Variants in FRK observed in about 807,000 individuals in gnomAD.
FRK encodes fyn related Src family tyrosine kinase, also known as tyrosine-protein kinase FRK.
Under a neutral mutation model 56.4 loss-of-function variants are expected in FRK, and 51 were observed. That is an observed-to-expected ratio of 0.90 (90% CI 0.72 to 1.14). The LOEUF is 1.14. FRK is among the 50% of genes most tolerant of loss of function. The probability of loss-of-function intolerance (pLI) is 0.00; values close to 1 mark genes in which losing one functional copy is unlikely to be tolerated. For missense variants in FRK, 570 were observed against 601.4 expected (o/e 0.95, Z 0.55); for synonymous variants, 245 against 217.9 (o/e 1.12, Z -1.10).
intron 1 of FRK, among the ~76,000 whole-genome samples, chr6:116,022,775 CAGTTAGAT>C (rs1432668747): frequency 3.3e-5 from 5 of 152,012 alleles, no homozygotes; most frequent in Non-Finnish European, 7.4e-5. Flanking sequence ...ACAAAGTCTG[CAGTTAGAT>C]TCAGGCAACT....
At chr6:116,009,814 T>A (rs1427059849) in intron 1 of FRK, among the ~76,000 whole-genome samples, 1 of 152,208 alleles carries the variant, frequency 6.6e-6, no homozygotes, top group Admixed American at 6.5e-5. Context: ...ACAGAAAGAT[T>A]GTGTTATTTT....
chr6:116,038,835 C>A, intron 1 of FRK: 1 of 523,902 alleles, frequency 1.9e-6, no homozygotes, highest in Admixed American at 2.3e-5. Context: ...CTCATCCGCA[C>A]TCTGAAGGCG....
At chr6:116,035,769 G>A (rs1377884861) in intron 1 of FRK, among the ~76,000 whole-genome samples, 1 of 151,588 alleles carries the variant, frequency 6.6e-6, no homozygotes, top group African/African-American at 2.4e-5. Flanking sequence ...TTTCAACATT[G>A]CTGGCTAACA....
chr6:116,080,462 C>T, the FRK span, among the ~76,000 whole-genome samples: 18 of 152,246 alleles, frequency 1.2e-4, no homozygotes, highest in Non-Finnish European at 2.6e-4. Context: ...CCAAAAAAGC[C>T]TTTTTAAGTA....
At chr6:115,945,155 A>G (rs960440086) in intron 5 of FRK, among the ~76,000 whole-genome samples, 1 of 152,130 alleles carries the variant, frequency 6.6e-6, no homozygotes, top group Non-Finnish European at 1.5e-5. Flanking sequence ...GCTATTGTGA[A>G]TGGTGCTGCA....
intron 4 of FRK, among the ~76,000 whole-genome samples, chr6:115,958,813 A>C (rs1261144882): frequency 1.3e-5 from 1 of 74,250 alleles, no homozygotes; most frequent in Non-Finnish European, 2.7e-5. Flanking sequence ...AAAGAAAGAA[A>C]GAAAGAAAAA....
At chr6:115,967,453 G>T in intron 4 of FRK, 98 bp downstream of exon 4, 2 of 1,162,314 alleles carry the variant, frequency 1.7e-6, no homozygotes, top group Non-Finnish European at 1.2e-6. Flanking sequence ...CCTGCTTGCT[G>T]CCAGTATTAG....
chr6:116,094,501 G>A, the FRK span, among the ~76,000 whole-genome samples: 5 of 152,252 alleles, frequency 3.3e-5, no homozygotes, highest in Non-Finnish European at 5.9e-5. Context: ...CTTTGCTACA[G>A]ATAGTAAGTA....
chr6:116,026,330 C>T (rs935065130), intron 1 of FRK, among the ~76,000 whole-genome samples: 2 of 152,250 alleles, frequency 1.3e-5, no homozygotes, highest in Admixed American at 6.6e-5. Flanking sequence ...AGAATCAAGA[C>T]TTCTGATTTC....
At chr6:115,983,451 T>C (rs1404765755) in intron 2 of FRK, among the ~76,000 whole-genome samples, 3 of 152,222 alleles carry the variant, frequency 2.0e-5, no homozygotes, top group Non-Finnish European at 4.4e-5. Context: ...ATTCTATGAC[T>C]GACACCTCTT....
At chr6:116,024,187 G>A (rs897360801) in intron 1 of FRK, among the ~76,000 whole-genome samples, 2 of 151,718 alleles carry the variant, frequency 1.3e-5, no homozygotes, top group African/African-American at 4.8e-5. Flanking sequence ...GTTACTTGGG[G>A]AGAATATCTG....
At chr6:116,079,403 T>TG in the FRK span, among the ~76,000 whole-genome samples, 29 of 145,248 alleles carry the variant, frequency 2.0e-4, no homozygotes, top group African/African-American at 7.4e-4. Flanking sequence ...TTGGGTTTTT[T>TG]GTTTTTTTTT....
intron 2 of FRK, among the ~76,000 whole-genome samples, chr6:115,989,480 A>AT (rs1434693514): frequency 6.6e-6 from 1 of 151,674 alleles, no homozygotes; most frequent in East Asian, 1.9e-4. Flanking sequence ...AGTGTCTATT[A>AT]TTTCCATTTT....
the FRK span, among the ~76,000 whole-genome samples, chr6:116,089,214 T>C: frequency 6.6e-6 from 1 of 152,176 alleles, no homozygotes; most frequent in Non-Finnish European, 1.5e-5. Context: ...TTCCATTATA[T>C]CTTTGTTTAT....
the FRK span, among the ~76,000 whole-genome samples, chr6:116,093,396 G>A: frequency 1.3e-5 from 2 of 152,200 alleles, no homozygotes; most frequent in Non-Finnish European, 2.9e-5. Flanking sequence ...AGATGATCCT[G>A]ATAGGTACAT....
At chr6:116,000,952 A>G (rs1176382356) in intron 2 of FRK, among the ~76,000 whole-genome samples, 1 of 152,220 alleles carries the variant, frequency 6.6e-6, no homozygotes, top group Non-Finnish European at 1.5e-5. Flanking sequence ...AGAAATATGG[A>G]GCTTGGGCCG....
At chr6:115,962,077 T>A (rs1225244617) in intron 4 of FRK, among the ~76,000 whole-genome samples, 1 of 143,238 alleles carries the variant, frequency 7.0e-6, no homozygotes, top group Non-Finnish European at 1.5e-5. Flanking sequence ...GAGTAAATTC[T>A]GCAATTAAAA....
At chr6:116,083,468 A>T in the FRK span, among the ~76,000 whole-genome samples, 31 of 152,218 alleles carry the variant, frequency 2.0e-4, no homozygotes, top group African/African-American at 7.5e-4. Flanking sequence ...GGAGGGGGGA[A>T]GCAGTATTTT....
At chr6:116,098,510 T>C in the FRK span, among the ~76,000 whole-genome samples, 14 of 152,144 alleles carry the variant, frequency 9.2e-5, no homozygotes, top group Non-Finnish European at 1.9e-4. Flanking sequence ...CCTGTTGGAT[T>C]AGGGCTCCAC....
Sources: allele counts gnomAD v4.1 joint callset (sites outside exome capture counted in the v4.1 genomes callset), GRCh38; gene constraint gnomAD v4.1.1; transcripts MANE v1.5; gene names NCBI Gene and HGNC (gene_info 2026-07-23, HGNC 2026-07-21).